The following NTM variants were observed in gnomAD, a reference collection of about 807,000 sequenced individuals.
NTM encodes neurotrimin, also known as IgLON family member 2.
A neutral mutation model predicts 42.1 loss-of-function variants in NTM; 13 were observed. The observed-to-expected ratio is 0.31, with a 90% CI of 0.20 to 0.49. The LOEUF (loss-of-function observed/expected upper bound fraction) is 0.49. Ranked by LOEUF, NTM falls within the 20% of genes least tolerant of loss-of-function variation. NTM has a pLI of 0.99. For synonymous variants in NTM, 187 were observed against 179.2 expected, an observed-to-expected ratio of 1.04 and a Z score of -0.35; for missense variants, 373 against 452.8, an observed-to-expected ratio of 0.82 and a Z score of 1.60.
At chr11:132,009,198 G>A (rs1355714563) in intron 2 of NTM, among the ~76,000 whole-genome samples, 1 of 152,196 alleles carries the variant, frequency 6.6e-6, no homozygotes, top group African/African-American at 2.4e-5. Context: ...TAAACACACA[G>A]TGTGCTCCCC....
chr11:131,837,329 T>C (rs1384547918), intron 1 of NTM, among the ~76,000 whole-genome samples: 2 of 152,216 alleles, frequency 1.3e-5, no homozygotes, highest in African/African-American at 4.8e-5. Flanking sequence ...TGATTCCTAA[T>C]GCAGTGTTTT....
intron 1 of NTM, among the ~76,000 whole-genome samples, chr11:131,556,709 A>G (rs2055474175): frequency 6.6e-6 from 1 of 151,976 alleles, no homozygotes; most frequent in Non-Finnish European, 1.5e-5. Context: ...CTGGGACTAC[A>G]GGCATGCGCC....
At chr11:132,315,970 T>G (rs927514172) in intron 7 of NTM, among the ~76,000 whole-genome samples, 7 of 152,182 alleles carry the variant, frequency 4.6e-5, no homozygotes, top group South Asian at 2.1e-4. Flanking sequence ...TCTGTCTGCA[T>G]GAACAGAGAC....
At chr11:131,425,361 C>T (rs1021778282) in intron 1 of NTM, among the ~76,000 whole-genome samples, 1 of 152,194 alleles carries the variant, frequency 6.6e-6, no homozygotes, top group Non-Finnish European at 1.5e-5. Context: ...CACACCTAAA[C>T]AGTTTGGCTT....
intron 4 of NTM, among the ~76,000 whole-genome samples, chr11:132,251,980 T>C (rs2091985462): frequency 6.6e-6 from 1 of 152,160 alleles, no homozygotes; most frequent in South Asian, 2.1e-4. Context: ...TCACCCTGCC[T>C]TTCCGCCCAG....
At chr11:131,521,437 GCT>G (rs1178383378) in intron 1 of NTM, among the ~76,000 whole-genome samples, 1 of 98,648 alleles carries the variant, frequency 1.0e-5, no homozygotes, top group Admixed American at 1.5e-4. Context: ...CGGGAGTCTC[GCT>G]CTGTCGCCCA....
chr11:131,683,068 C>A (rs976690164), intron 1 of NTM, among the ~76,000 whole-genome samples: 8 of 152,174 alleles, frequency 5.3e-5, no homozygotes, highest in African/African-American at 1.9e-4. Flanking sequence ...AAATAACAAC[C>A]CACAGTCATC....
At chr11:132,140,281 T>G (rs1453011641) in intron 2 of NTM, among the ~76,000 whole-genome samples, 2 of 152,180 alleles carry the variant, frequency 1.3e-5, no homozygotes, top group Admixed American at 1.3e-4. Context: ...GGACTCACAG[T>G]GCAGTGTGTG....
chr11:132,067,954 T>G (rs1246064785), intron 2 of NTM, among the ~76,000 whole-genome samples: 1 of 152,256 alleles, frequency 6.6e-6, no homozygotes, highest in Non-Finnish European at 1.5e-5. Flanking sequence ...TGTAATATTC[T>G]CAAAAACCTG....
chr11:131,910,053 G>A (rs1484682871), intron 1 of NTM: 5 of 152,184 alleles, frequency 3.3e-5, no homozygotes, highest in East Asian at 1.9e-4. Flanking sequence ...CACACTAAGA[G>A]GCTTCTGTGA....
rs1036100713 is a variant in NTM, at chr11:132,244,965, G to A, written c.526+32818G>A. On this transcript the variant is annotated intron_variant, in intron 4 of 8. Transcript: ENST00000683400. ...CTTCACAGGTTGTACGTTTGCGCCC[G>A]TGTTTTCTCAGCTGGTGTAATCTGC... Among the ~76,000 whole-genome samples the A allele has an allele frequency of 1.4e-4, 22 of 152,214 alleles. 1 individual carries two copies. The highest frequency in any genetic ancestry group is 4.1e-4 in the African/African-American group (17 of 41,460).
intron 1 of NTM, among the ~76,000 whole-genome samples, chr11:131,483,618 C>T (rs889838600): frequency 6.6e-6 from 1 of 152,230 alleles, no homozygotes; most frequent in Admixed American, 6.5e-5. Context: ...TTGCCAGGCT[C>T]ATCTGGAGGA....
intron 2 of NTM, among the ~76,000 whole-genome samples, chr11:131,950,233 GA>G (rs1462964455): frequency 6.6e-6 from 1 of 152,156 alleles, no homozygotes; most frequent in Non-Finnish European, 1.5e-5. Context: ...AGGTGACCCA[GA>G]AGGGTCCCAG....
chr11:131,422,647 G>A (rs1330995490), intron 1 of NTM, among the ~76,000 whole-genome samples: 1 of 152,140 alleles, frequency 6.6e-6, no homozygotes, highest in Non-Finnish European at 1.5e-5. Flanking sequence ...ACAACTATCT[G>A]GGCAGGAAAT....
intron 4 of NTM, among the ~76,000 whole-genome samples, chr11:132,278,743 T>TTCTCTCTCTC (rs66748602): frequency 0.019 from 2,661 of 137,874 alleles, 55 homozygotes; most frequent in East Asian, 0.036. Context: ...TCATTTGGGC[T>TTCTCTCTCTC]TCTCTCTCTC....
At chr11:131,563,623 T>C (rs1419005005) in intron 1 of NTM, among the ~76,000 whole-genome samples, 1 of 113,368 alleles carries the variant, frequency 8.8e-6, no homozygotes, top group Non-Finnish European at 1.7e-5. Flanking sequence ...AGAAACCAAA[T>C]ACCACATATT....
chr11:132,157,927 G>A (rs1367131824), intron 3 of NTM, among the ~76,000 whole-genome samples: 2 of 152,028 alleles, frequency 1.3e-5, no homozygotes, highest in Non-Finnish European at 2.9e-5. Context: ...TTCTGAATTC[G>A]GAGGTTTATC....
At chr11:131,922,902 T>C (rs2057425688) in intron 2 of NTM, among the ~76,000 whole-genome samples, 2 of 152,188 alleles carry the variant, frequency 1.3e-5, no homozygotes, top group East Asian at 1.9e-4. Context: ...CGCTGCTGCC[T>C]CGCTCGTGGG....
chr11:131,774,669 G>T (rs149451362), intron 1 of NTM, among the ~76,000 whole-genome samples: 1 of 152,190 alleles, frequency 6.6e-6, no homozygotes, highest in Non-Finnish European at 1.5e-5. Flanking sequence ...TCTACAACTT[G>T]CCATTAAGGG....
Sources: allele counts gnomAD v4.1 joint callset (sites outside exome capture counted in the v4.1 genomes callset), GRCh38; gene constraint gnomAD v4.1.1; transcripts MANE v1.5; gene names NCBI Gene and HGNC (gene_info 2026-07-23, HGNC 2026-07-21).